Variants in TCF12 observed in about 807,000 individuals in gnomAD.
The protein encoded by TCF12 is DNA-binding protein HTF4.
In TCF12, 45 loss-of-function variants were observed where a neutral mutation model predicts 86.0. That is an observed-to-expected ratio of 0.52 (90% CI 0.41 to 0.67). The LOEUF (loss-of-function observed/expected upper bound fraction) is 0.67. TCF12 is among the 30% of genes least tolerant of loss of function. The pLI, the probability that TCF12 is intolerant of heterozygous loss-of-function variation, is 0.00. For missense variants in TCF12, 881 were observed against 859.9 expected (o/e 1.02, Z -0.31); for synonymous variants, 330 against 299.6 (o/e 1.10, Z -1.05).
At chr15:57,210,016 A>C (rs768040182) in intron 8 of TCF12, among the ~76,000 whole-genome samples, 1 of 152,104 alleles carries the variant, frequency 6.6e-6, no homozygotes, top group Non-Finnish European at 1.5e-5. Context: ...ATCCTATATA[A>C]AAGGGCAACA....
intron 6 of TCF12, among the ~76,000 whole-genome samples, chr15:57,170,683 A>AT (rs2055312810): frequency 8.7e-4 from 15 of 17,236 alleles, no homozygotes; most frequent in South Asian, 8.0e-3. Context: ...ATAATATATT[A>AT]TATATAATAT....
intron 3 of TCF12, among the ~76,000 whole-genome samples, chr15:57,046,563 T>C (rs1567314071): frequency 6.6e-6 from 1 of 152,042 alleles, no homozygotes; most frequent in Non-Finnish European, 1.5e-5. Flanking sequence ...CTGCCTCAGC[T>C]TCCTGAGTAG....
chr15:57,231,600 C>T (rs902864437), intron 9 of TCF12, among the ~76,000 whole-genome samples: 19 of 151,994 alleles, frequency 1.3e-4, no homozygotes, highest in African/African-American at 4.1e-4. Flanking sequence ...TCATATCATG[C>T]CTAGAATTAC....
intron 6 of TCF12, among the ~76,000 whole-genome samples, chr15:57,181,596 C>T (rs1163560840): frequency 2.6e-5 from 4 of 152,246 alleles, no homozygotes; most frequent in African/African-American, 4.8e-5. Context: ...TTATTCCTTT[C>T]ATTTACTTTT....
chr15:57,273,097 G>C lies in TCF12; in HGVS notation c.1813G>C (p.Ala605Pro). 1 of 1,614,208 alleles carries C rather than the reference G, an allele frequency of 6.2e-7. No individual in the cohort carries two copies. Among genetic ancestry groups the C allele is most frequent in the Non-Finnish European group, 8.5e-7 (1 of 1,180,026 alleles). Residue 605 changes from alanine (A) to proline (P), a missense_variant, in exon 19 of 21, where the codon GCT becomes CCT. This residue lies in a region of TCF12 where 46 missense variants were observed against 76.7 expected (regional missense o/e 0.60). Transcript: ENST00000333725. ...KIEREKERRMANNARERLRVR... is the reference protein window; with the variant it reads ...KIEREKERRMPNNARERLRVR... Reference sequence around the variant, plus strand: ...AGAAAGGGAGAAGGAGAGGCGGATGGCTAACAATGCCAGAGAACGCTTACG... The same window carrying C: ...AGAAAGGGAGAAGGAGAGGCGGATGCCTAACAATGCCAGAGAACGCTTACG...
At chr15:57,047,963 C>G (rs983544199) in intron 3 of TCF12, among the ~76,000 whole-genome samples, 1 of 151,574 alleles carries the variant, frequency 6.6e-6, no homozygotes, top group East Asian at 1.9e-4. Flanking sequence ...GCAGTTGTAA[C>G]ACAGTGATGA....
intron 1 of TCF12, chr15:56,919,577 C>T (rs2059676271): frequency 5.1e-6 from 1 of 196,134 alleles, no homozygotes; most frequent in Admixed American, 6.2e-5. Flanking sequence ...CGCGGAGCAC[C>T]CGGCGGCGGC....
chr15:57,042,821 A>G (rs1426774648), intron 3 of TCF12, among the ~76,000 whole-genome samples: 1 of 152,204 alleles, frequency 6.6e-6, no homozygotes, highest in African/African-American at 2.4e-5. Context: ...AGTATTTAGT[A>G]TGGTATTGTT....
chr15:57,127,092 C>T (rs1408506341), intron 5 of TCF12, among the ~76,000 whole-genome samples: 2 of 151,434 alleles, frequency 1.3e-5, no homozygotes, highest in African/African-American at 2.4e-5. Context: ...AAGAAATTCT[C>T]CTCCCTTAGC....
At chr15:56,969,800 CA>C (rs2062196858) in intron 3 of TCF12, among the ~76,000 whole-genome samples, 1 of 152,044 alleles carries the variant, frequency 6.6e-6, no homozygotes, top group Non-Finnish European at 1.5e-5. Flanking sequence ...ATAGATAATG[CA>C]AATTTAATCT....
At chr15:57,102,837 C>T (rs928430345) in intron 5 of TCF12, among the ~76,000 whole-genome samples, 1 of 152,134 alleles carries the variant, frequency 6.6e-6, no homozygotes, top group African/African-American at 2.4e-5. Context: ...CAGATTTTCT[C>T]TCTCTGAAAT....
rs35859330 is a variant in TCF12 at position 57,054,773 on chromosome 15, C to CTTTT, written c.149-8951_149-8948dup. Among the ~76,000 whole-genome samples, 13 of 24,190 alleles carry CTTTT rather than the reference C, an allele frequency of 5.4e-4. 1 individual carries two copies. The highest frequency in any genetic ancestry group is 1.5e-3 in the East Asian group (3 of 2,022). The allele number at this position is 24,190 out of a possible 152,430, so 15.9% of individuals were successfully genotyped here. ...AGCTGGCTTTTTTGCAATGCCTCTG[C>CTTTT]TTTTTTTTTTTTTTTTTTTTTTTTT... On this transcript the variant is annotated intron_variant, in intron 3 of 20. Transcript: ENST00000333725.
chr15:57,098,361 G>T lies in TCF12; in HGVS notation c.325+6470G>T, dbSNP rs183830878. On this transcript the variant is annotated intron_variant, in intron 5 of 20. Transcript: ENST00000333725. ...TTCTACATTATAGCTCTGCTGTCTT[G>T]TTCTTTCTTTCACTATTGCTCAACT... 5.4e-3 allele frequency among the ~76,000 whole-genome samples: 824 copies of T among 152,060 alleles called. 8 individuals are homozygous for T. The highest frequency in any genetic ancestry group is 0.019 in the African/African-American group (786 of 41,478).
intron 3 of TCF12, among the ~76,000 whole-genome samples, chr15:57,003,658 T>C (rs1331850714): frequency 6.6e-6 from 1 of 152,214 alleles, no homozygotes; most frequent in African/African-American, 2.4e-5. Flanking sequence ...GCATGTTTGG[T>C]GACTCAGATT....
At chr15:57,282,016 C>A (rs2061713082) in intron 19 of TCF12, among the ~76,000 whole-genome samples, 1 of 152,008 alleles carries the variant, frequency 6.6e-6, no homozygotes, top group Middle Eastern at 3.2e-3. Context: ...ATATCTCTTA[C>A]TTTATCCTTT....
At chr15:56,928,617 T>G (rs540880140) in intron 3 of TCF12, among the ~76,000 whole-genome samples, 1 of 152,310 alleles carries the variant, frequency 6.6e-6, no homozygotes, top group Non-Finnish European at 1.5e-5. Context: ...CCCAGGAACC[T>G]TAACTTTTCT....
At chr15:57,211,743 C>T (rs2058108777) in intron 8 of TCF12, among the ~76,000 whole-genome samples, 2 of 152,292 alleles carry the variant, frequency 1.3e-5, no homozygotes, top group South Asian at 4.1e-4. Context: ...CGCTTGAGGC[C>T]AGGAGTTCAA....
chr15:57,006,828 A>T (rs1258211520), intron 3 of TCF12, among the ~76,000 whole-genome samples: 1 of 151,908 alleles, frequency 6.6e-6, no homozygotes, highest in Admixed American at 6.6e-5. Context: ...AGGTGGGAGG[A>T]TTGCTTGAGT....
intron 6 of TCF12, among the ~76,000 whole-genome samples, chr15:57,170,754 ATATAT>A (rs2055390848): frequency 2.2e-5 from 1 of 44,530 alleles, no homozygotes; most frequent in African/African-American, 8.8e-5. Context: ...ATTATATATT[ATATAT>A]TATATATATA....
Sources: gnomAD v4.1 joint callset for allele counts (sites outside exome capture counted in the v4.1 genomes callset) on GRCh38, gnomAD v4.1.1 for gene constraint, gnomAD v4.1.1 regional missense constraint, MANE v1.5 for transcripts, NCBI Gene and HGNC (gene_info 2026-07-23, HGNC 2026-07-21) for gene names.